SARAF: variants seen among roughly 807,000 people sequenced by gnomAD.
SARAF encodes the protein store-operated calcium entry-associated regulatory factor.
Under a neutral mutation model 39.7 loss-of-function variants are expected in SARAF, and 23 were observed. The observed-to-expected ratio is 0.58, with a 90% CI of 0.42 to 0.82. The LOEUF (loss-of-function observed/expected upper bound fraction) is 0.82. Ranked by LOEUF, SARAF falls within the 40% of genes least tolerant of loss-of-function variation. SARAF has a pLI of 0.00. For synonymous variants in SARAF, 175 were observed against 168.5 expected (o/e 1.04, Z -0.30); for missense variants, 384 against 418.5 (o/e 0.92, Z 0.72).
Position 30,069,852 on chromosome 8 carries a change from TATAATA to T in SARAF, c.484_489del (p.Tyr162_Tyr163del), listed in dbSNP as rs776307664. On this transcript the variant is annotated inframe_deletion, in exon 3 of 6. Coordinates refer to ENST00000256255, the MANE Select transcript of SARAF (RefSeq NM_016127.6). ...TTACAGGAATCCGCCGAGGACCACTTATAATAATAATCAGAGAAAGAGGCAAAGCCG... is the reference window on the plus strand; with the variant it reads ...TTACAGGAATCCGCCGAGGACCACTTATAATCAGAGAAAGAGGCAAAGCCG... 115 of 1,614,004 alleles carry T rather than the reference TATAATA, an allele frequency of 7.1e-5. No homozygotes were observed. Among genetic ancestry groups the T allele is most frequent in the Non-Finnish European group, 9.2e-5 (108 of 1,180,002 alleles).
rs140003863 is a variant in SARAF, at chr8:30,073,547, T to C, written c.282+330A>G. The stretch of plus-strand genomic sequence containing the variant: ...ATCTTAACTTTGTCTTAAGGGTAGG[T>C]TGGTATTCTTTGAGGAACGACAGGA... On this transcript the variant is annotated intron_variant, in intron 2 of 5. Transcript: ENST00000256255. The C allele has an allele frequency of 2.9e-3, 602 of 206,478 alleles. 6 individuals carry two copies. The highest frequency in any genetic ancestry group is 0.012 in the African/African-American group (525 of 43,398). 12.8% of individuals were successfully genotyped at this position (206,478 alleles called of 1,614,324 possible).
intron 2 of SARAF, among the ~76,000 whole-genome samples, chr8:30,071,292 GCCAAGAT>G (rs1172103477): frequency 2.0e-5 from 3 of 152,178 alleles, no homozygotes; most frequent in Non-Finnish European, 4.4e-5. Context: ...GTTGCAGTGA[GCCAAGAT>G]CATGTCACTG....
intron 1 of SARAF, among the ~76,000 whole-genome samples, chr8:30,075,794 A>G (rs918405896): frequency 6.6e-6 from 1 of 152,080 alleles, no homozygotes. Flanking sequence ...CTAAAACTAT[A>G]ATAAATACAT....
rs559259794 is a variant in SARAF, at chr8:30,068,950, G to A, written c.700+692C>T. On this transcript the variant is annotated intron_variant, in intron 3 of 5. Coordinates refer to ENST00000256255, the MANE Select transcript of SARAF (RefSeq NM_016127.6). The stretch of plus-strand genomic sequence containing the variant: ...TTTAAGAAATCTTTCCCTATCCTAA[G>A]GTCATAACAAATATTCTCCTATGTT... 1.4e-3 allele frequency among the ~76,000 whole-genome samples: 210 copies of A among 151,954 alleles called. No homozygotes were observed. In the Middle Eastern group the frequency reaches 0.017, roughly 12 times the overall value.
At chr8:30,067,831 G>A (rs1202632046) in intron 3 of SARAF, among the ~76,000 whole-genome samples, 1 of 152,118 alleles carries the variant, frequency 6.6e-6, no homozygotes, top group African/African-American at 2.4e-5. Flanking sequence ...ACATTCCTGT[G>A]CATCTTTCTT....
chr8:30,068,700 G>C (rs1399997093), intron 3 of SARAF, among the ~76,000 whole-genome samples: 2 of 151,948 alleles, frequency 1.3e-5, no homozygotes, highest in Non-Finnish European at 2.9e-5. Flanking sequence ...CCTCTTTGGA[G>C]GGCCTGTCTG....
At position 30,074,037 on chromosome 8, in the gene SARAF, T is replaced by C. The variant is rs772506726; in HGVS notation, c.122A>G (p.Asp41Gly). Reference protein sequence around the residue: ...WNDPDRMLLRDVKALTLHYDR... With the variant: ...WNDPDRMLLRGVKALTLHYDR... ...ATAGTGGAGGGTAAGAGCTTTTACA[T>C]CCCGCAGCAACATTCTGTCTGAAAC... The change falls in exon 2 of 6, where the codon GAT (aspartate) becomes GGT (glycine). Residue 41 changes from aspartate to glycine, a missense_variant. Asp to Gly is a moderately conservative substitution (Grantham distance 94, BLOSUM62 -1). Transcript: ENST00000256255. 2 of 1,613,676 alleles carry C rather than the reference T, an allele frequency of 1.2e-6. No individual in the cohort carries two copies. Among genetic ancestry groups the C allele is most frequent in the Non-Finnish European group, 1.7e-6 (2 of 1,179,800 alleles).
chr8:30,066,077 G>A lies in SARAF; in HGVS notation c.905C>T (p.Thr302Met), dbSNP rs751658570. 24 of 1,614,010 alleles carry A rather than the reference G, an allele frequency of 1.5e-5. No individual in the cohort carries two copies. Among genetic ancestry groups the A allele is most frequent in the South Asian group, 3.3e-5 (3 of 91,080 alleles). ...AAGGGGTGAGTAAGCCCTATTCCAC[G>A]TGCCAGGGTAGGAGGGAGGATAGGA... is the stretch of plus-strand genomic sequence containing the variant. ...YPSYPPSYPG[T>M]WNRAYSPLHG... The change falls in exon 5 of 6, where the codon ACG becomes ATG. Residue 302 changes from threonine (T) to methionine (M), a missense_variant. Thr to Met is a moderately conservative substitution (Grantham distance 81). Transcript: ENST00000256255.
At position 30,069,134 on chromosome 8, in the gene SARAF, ATTTT is replaced by A. The variant is rs36096551; in HGVS notation, c.700+504_700+507del. ...AAGAGTATTTATAATTTAATCAGGC[ATTTT>A]TTTTTTTTTTTTTTTTTTGGAGACA... On this transcript the variant is annotated intron_variant, in intron 3 of 5. Coordinates refer to ENST00000256255, the MANE Select transcript of SARAF (RefSeq NM_016127.6). Among the ~76,000 whole-genome samples the A allele has an allele frequency of 4.1e-5, 4 of 97,840 alleles. No homozygotes were observed. In the South Asian group the frequency reaches 9.9e-4, roughly 24 times the overall value. 64.2% of individuals were successfully genotyped at this position (97,840 alleles called of 152,430 possible).
chr8:30,067,005 A>G, intron 3 of SARAF, 87 bp from the exon 4 acceptor site: 1 of 1,318,082 alleles, frequency 7.6e-7, no homozygotes, highest in Non-Finnish European at 1.1e-6. Context: ...CAATTATTTC[A>G]TCTGTACTGA....
In SARAF at chr8:30,080,013, A is replaced by G. The variant is rs1055868387; in HGVS notation, c.103+2834T>C. On this transcript the variant is annotated intron_variant, in intron 1 of 5. Coordinates refer to ENST00000256255, the MANE Select transcript of SARAF (RefSeq NM_016127.6). The stretch of plus-strand genomic sequence containing the variant: ...ACTCCCCTAAACCTGATCATCCCAC[A>G]TTCTTCCACATCTCAGGAAATGGTT... Among the ~76,000 whole-genome samples the G allele has an allele frequency of 2.6e-4, 40 of 152,146 alleles. 1 individual carries two copies.
rs567230855 is a variant in SARAF, at chr8:30,067,338, T to C, written c.701-420A>G. On this transcript the variant is annotated intron_variant, in intron 3 of 5. Transcript: ENST00000256255. ...GCAGCCAGATATTTATTTGTGTCAG[T>C]TGGGAAGTCAGATCTCAAAGGGACC... Among the ~76,000 whole-genome samples the C allele has an allele frequency of 2.0e-4, 30 of 152,302 alleles. No individual in the cohort carries two copies. In the South Asian group the frequency reaches 5.6e-3, roughly 28 times the overall value.
intron 1 of SARAF, among the ~76,000 whole-genome samples, chr8:30,077,778 G>A (rs1334865901): frequency 6.6e-6 from 1 of 151,660 alleles, no homozygotes; most frequent in Non-Finnish European, 1.5e-5. Flanking sequence ...CTCCAGCCTG[G>A]CGATAGAGCA....
At chr8:30,069,483 G>C (rs754696968) in intron 3 of SARAF, among the ~76,000 whole-genome samples, 159 bp downstream of exon 3, 5 of 152,008 alleles carry the variant, frequency 3.3e-5, no homozygotes, top group African/African-American at 9.7e-5. Flanking sequence ...TTGGGAGAGA[G>C]CCAAACAGAA....
intron 3 of SARAF, among the ~76,000 whole-genome samples, chr8:30,067,226 T>C (rs2117422191): frequency 6.6e-6 from 1 of 152,260 alleles, no homozygotes; most frequent in Non-Finnish European, 1.5e-5. Flanking sequence ...GGTTACTTTC[T>C]CTCTGCAGTA....
intron 1 of SARAF, among the ~76,000 whole-genome samples, chr8:30,075,161 G>A (rs1272511292): frequency 1.3e-5 from 2 of 152,092 alleles, no homozygotes; most frequent in Non-Finnish European, 2.9e-5. Flanking sequence ...TTAGCCGGGA[G>A]TGGTGGCACA....
At chr8:30,082,224 G>C (rs1358354872) in intron 1 of SARAF, 1 of 152,344 alleles carries the variant, frequency 6.6e-6, no homozygotes, top group African/African-American at 2.4e-5. Flanking sequence ...CGTAATCTCA[G>C]CTACCGGTGA....
chr8:30,069,881 C>T lies in SARAF; in HGVS notation c.461G>A (p.Gly154Asp). 6.2e-7 allele frequency: 1 copy of T among 1,614,170 alleles called. No individual in the cohort carries two copies. Among genetic ancestry groups the T allele is most frequent in the South Asian group, 1.1e-5 (1 of 91,088 alleles). The change falls in exon 3 of 6, where the codon GGC becomes GAC. Residue 154 changes from glycine (G) to aspartate (D), a missense_variant. Coordinates refer to ENST00000256255, the MANE Select transcript of SARAF (RefSeq NM_016127.6). ...QKLKESGKQH[G>D]FASFSDYYYK... is the part of the protein sequence containing the mutation. ...ATAATAATCAGAGAAAGAGGCAAAG[C>T]CGTGCTGCTTTCCAGACTCCTTCAG...
chr8:30,082,732 A>C, intron 1 of SARAF, 115 bp downstream of exon 1: 1 of 737,506 alleles, frequency 1.4e-6, no homozygotes, highest in East Asian at 3.2e-5. Context: ...AGACATGGGG[A>C]ATCCGGGCAC....
Sources: gnomAD v4.1 joint callset for allele counts (sites outside exome capture counted in the v4.1 genomes callset) on GRCh38, gnomAD v4.1.1 for gene constraint, MANE v1.5 for transcripts, NCBI Gene and HGNC (gene_info 2026-07-23, HGNC 2026-07-21) for gene names.